LBHD2: variants seen among roughly 807,000 people sequenced by gnomAD.
LBHD2 encodes LBH domain-containing protein 2.
chr14:103,086,096 C>A lies in LBHD2; in HGVS notation c.69+15C>A, dbSNP rs935597567. On this transcript the variant is annotated intron_variant, in intron 2 of 3. Transcript: ENST00000634353. ...CAGAAGGGAAGGTATGCGCTCGGGA[C>A]CCTGGGGGGGTCGGGAGGGAGCAAG... 5.2e-6 allele frequency: 2 copies of A among 385,500 alleles called. No individual in the cohort carries two copies. The highest frequency in any genetic ancestry group is 9.2e-6 in the Non-Finnish European group (2 of 218,546). The allele number at this position is 385,500 out of a possible 1,614,324, so 23.9% of individuals were successfully genotyped here.
intron 1 of LBHD2, among the ~76,000 whole-genome samples, chr14:103,085,325 G>T (rs7158285): frequency 2.0e-5 from 3 of 152,220 alleles, no homozygotes; most frequent in South Asian, 4.1e-4. Flanking sequence ...GAGCCCACAC[G>T]GCCCGAGCGC....
rs964732904 is a variant in LBHD2, at chr14:103,088,144, G to A, written c.129G>A (p.Val43=). The change falls in exon 3 of 4, where the codon GTG becomes GTA. Residue 43 remains valine, a synonymous_variant. Transcript: ENST00000634353. ...TGGGCCAGCGGCTGCCCTCAATCGT[G>A]GTGGAGCCCAGCGAGGCGGACCCTG... ...PRLGQRLPSI[V]VEPSEADPVE... The A allele has an allele frequency of 2.5e-6, 1 of 398,598 alleles. No individual in the cohort carries two copies. Among genetic ancestry groups the A allele is most frequent in the African/African-American group, 2.1e-5 (1 of 48,638 alleles). 24.7% of individuals were successfully genotyped at this position (398,598 alleles called of 1,614,324 possible).
chr14:103,085,325 G>C (rs7158285), intron 1 of LBHD2, among the ~76,000 whole-genome samples: 125,371 of 152,188 alleles, frequency 0.82, 51,936 homozygotes, highest in African/African-American at 0.88. Context: ...GAGCCCACAC[G>C]GCCCGAGCGC....
At chr14:103,088,602 C>A (rs1005916929) in intron 3 of LBHD2, among the ~76,000 whole-genome samples, 9 of 152,248 alleles carry the variant, frequency 5.9e-5, no homozygotes, top group African/African-American at 1.9e-4. Flanking sequence ...GTGCCTTGCT[C>A]ACTAGGGCCT....
intron 2 of LBHD2, among the ~76,000 whole-genome samples, chr14:103,086,652 A>T (rs1889638532): frequency 6.6e-6 from 1 of 152,048 alleles, no homozygotes; most frequent in Admixed American, 6.5e-5. Flanking sequence ...AGGAAATGCC[A>T]GGGTTCCCTG....
chr14:103,086,948 C>G (rs911492923), intron 2 of LBHD2, among the ~76,000 whole-genome samples: 1 of 152,208 alleles, frequency 6.6e-6, no homozygotes, highest in Admixed American at 6.5e-5. Context: ...GCCTGGACCT[C>G]GTTCACCCCA....
At position 103,085,791 on chromosome 14, in the gene LBHD2, G is replaced by A. The variant is rs74085309; in HGVS notation, c.-37-185G>A. 2.2e-3 allele frequency among the ~76,000 whole-genome samples: 336 copies of A among 152,326 alleles called. 3 individuals carry two copies. Among genetic ancestry groups the A allele is most frequent in the African/African-American group, 7.1e-3 (296 of 41,576 alleles). The stretch of plus-strand genomic sequence containing the variant: ...GTGCCCTCTTGCAGGCACACTGTGC[G>A]GCCAGGGTCCAGTGCCCCCTCTGGC... On this transcript the variant is annotated intron_variant, in intron 1 of 3. Coordinates refer to ENST00000634353, the MANE Select transcript of LBHD2 (RefSeq NM_001330236.2).
chr14:103,088,690 C>T (rs1030258548), intron 3 of LBHD2, among the ~76,000 whole-genome samples: 1 of 152,196 alleles, frequency 6.6e-6, no homozygotes, highest in African/African-American at 2.4e-5. Context: ...GCTGCAGGTG[C>T]CCTGTTTAAA....
chr14:103,089,614 CA>C, intron 3 of LBHD2, 82 bp from the exon 4 acceptor site: 1 of 398,064 alleles, frequency 2.5e-6, no homozygotes, highest in Non-Finnish European at 4.4e-6. Flanking sequence ...AGTTGCCTGC[CA>C]AACGCTCATT....
chr14:103,084,797 C>A (rs1595221936), intron 1 of LBHD2, among the ~76,000 whole-genome samples: 1 of 152,214 alleles, frequency 6.6e-6, no homozygotes, highest in African/African-American at 2.4e-5. Context: ...TTTCTTGCCT[C>A]TCCCTCTGCC....
At chr14:103,089,408 C>T (rs975796165) in intron 3 of LBHD2, among the ~76,000 whole-genome samples, 3 of 152,096 alleles carry the variant, frequency 2.0e-5, no homozygotes, top group African/African-American at 7.2e-5. Flanking sequence ...GGGACCACCA[C>T]TCGGGTAACC....
rs1595222365 is a variant in LBHD2, at chr14:103,085,958, C to T, written c.-37-18C>T. Reference sequence around the variant, plus strand: ...TCCAGCATCAGGCCAACAGCAGACACCCCATTTCTGCTCCCAGTCCTCGTG... The same window carrying T: ...TCCAGCATCAGGCCAACAGCAGACATCCCATTTCTGCTCCCAGTCCTCGTG... On this transcript the variant is annotated intron_variant, in intron 1 of 3. Transcript: ENST00000634353. 2.5e-6 allele frequency: 1 copy of T among 398,580 alleles called. No homozygotes were observed. The highest frequency in any genetic ancestry group is 4.4e-5 in the Admixed American group (1 of 22,728). 24.7% of individuals were successfully genotyped at this position (398,580 alleles called of 1,614,324 possible). A position where few individuals can be genotyped will look rare whatever the true frequency, so the allele number is the denominator to read the frequency against.
intron 2 of LBHD2, among the ~76,000 whole-genome samples, chr14:103,086,743 C>T (rs922385552): frequency 6.6e-6 from 1 of 151,792 alleles, no homozygotes; most frequent in East Asian, 1.9e-4. Flanking sequence ...TACACAGGGT[C>T]GCAGCCTTAG....
intron 2 of LBHD2, among the ~76,000 whole-genome samples, chr14:103,086,303 C>T (rs1472099507): frequency 2.0e-5 from 3 of 152,176 alleles, no homozygotes; most frequent in Non-Finnish European, 2.9e-5. Flanking sequence ...CCTCCGCCTC[C>T]GGGGTTCAAG....
In LBHD2 at chr14:103,089,760, C is replaced by G. The variant is rs1595223783; in HGVS notation, c.290C>G (p.Ala97Gly). The change falls in exon 4 of 4, where the codon GCC (alanine) becomes GGC (glycine). Residue 97 changes from alanine (A) to glycine (G), a missense_variant. Physicochemically the swap from Ala to Gly is moderately conservative, Grantham distance 60 (BLOSUM62 0). Coordinates refer to ENST00000634353, the MANE Select transcript of LBHD2 (RefSeq NM_001330236.2). ...KAADNAGSEC[A>G]CSEDPAAPAR... is the part of the protein sequence containing the mutation. ...GCAGATAACGCTGGCAGCGAGTGTG[C>G]CTGCTCCGAGGACCCAGCAGCCCCG... 5.0e-6 allele frequency: 2 copies of G among 398,710 alleles called. No individual in the cohort carries two copies. Among genetic ancestry groups the G allele is most frequent in the Admixed American group, 4.4e-5 (1 of 22,742 alleles). The allele number at this position is 398,710 out of a possible 1,614,324, so 24.7% of individuals were successfully genotyped here. A position where few individuals can be genotyped will look rare whatever the true frequency, so the allele number is the denominator to read the frequency against.
At position 103,088,142 on chromosome 14, in the gene LBHD2, G is replaced by C. The variant is rs1889659906; in HGVS notation, c.127G>C (p.Val43Leu). Residue 43 changes from valine to leucine, a missense_variant, in exon 3 of 4, where the codon GTG becomes CTG. Transcript: ENST00000634353. ...PRLGQRLPSI[V>L]VEPSEADPVE... ...GCTGGGCCAGCGGCTGCCCTCAATC[G>C]TGGTGGAGCCCAGCGAGGCGGACCC... is the stretch of plus-strand genomic sequence containing the variant. 5.0e-6 allele frequency: 2 copies of C among 398,738 alleles called. No homozygotes were observed. Among genetic ancestry groups the C allele is most frequent in the Non-Finnish European group, 4.4e-6 (1 of 226,136 alleles). The allele number at this position is 398,738 out of a possible 1,614,324, so 24.7% of individuals were successfully genotyped here.
chr14:103,088,064 T>A, intron 2 of LBHD2, 21 bp from the exon 3 acceptor site: 2 of 398,796 alleles, frequency 5.0e-6, no homozygotes, highest in Non-Finnish European at 8.8e-6. Context: ...ATGGCCATGA[T>A]CCTGCCCATC....
At chr14:103,085,382 C>T (rs1025369237) in intron 1 of LBHD2, among the ~76,000 whole-genome samples, 1 of 152,380 alleles carries the variant, frequency 6.6e-6, no homozygotes, top group African/African-American at 2.4e-5. Context: ...GGCTCTCTTC[C>T]CAGAGCCCTT....
In LBHD2 at chr14:103,084,696, C is replaced by T. The variant is rs181655820; in HGVS notation, c.-38+349C>T. ...ATCCCTCTCTCTCTGGGCCAAGTGT[C>T]ATCTGTGGGTCTGTTTCTGTCTCTC... is the stretch of plus-strand genomic sequence containing the variant. On this transcript the variant is annotated intron_variant, in intron 1 of 3. Transcript: ENST00000634353. Among the ~76,000 whole-genome samples the T allele has an allele frequency of 3.0e-4, 46 of 152,184 alleles. No individual in the cohort carries two copies. In the East Asian group the frequency reaches 8.9e-3, roughly 30 times the overall value.
Sources: gnomAD v4.1 joint callset for allele counts (sites outside exome capture counted in the v4.1 genomes callset) on GRCh38, gnomAD v4.1.1 for gene constraint, MANE v1.5 for transcripts, NCBI Gene and HGNC (gene_info 2026-07-23, HGNC 2026-07-21) for gene names.